The following EXTL3 variants were observed in gnomAD, a reference collection of about 807,000 sequenced individuals.
The protein encoded by EXTL3 is exostosin-like 3.
Under a neutral mutation model 69.3 loss-of-function variants are expected in EXTL3, and 27 were observed. The ratio of observed to expected loss-of-function variants is 0.39; its 90% CI spans 0.29 to 0.54. The LOEUF (loss-of-function observed/expected upper bound fraction) is 0.54, where lower values mean the gene tolerates loss of function less well. Ranked by LOEUF, EXTL3 falls within the 20% of genes least tolerant of loss-of-function variation. The pLI is 0.69. For synonymous variants in EXTL3, 511 were observed against 499.4 expected, an observed-to-expected ratio of 1.02 and a Z score of -0.31; for missense variants, 1,003 against 1,231.8, an observed-to-expected ratio of 0.81 and a Z score of 2.78.
chr8:28,653,713 A>G (rs1415264907), intron 1 of EXTL3, among the ~76,000 whole-genome samples: 2 of 152,068 alleles, frequency 1.3e-5, no homozygotes, highest in Non-Finnish European at 2.9e-5. Context: ...ATTTTATTCC[A>G]TTGGTTGATA....
intron 5 of EXTL3, chr8:28,740,033 T>C (rs1801741922): frequency 6.6e-6 from 1 of 152,250 alleles, no homozygotes; most frequent in South Asian, 2.1e-4. Flanking sequence ...TAAAGAAGAT[T>C]ACAGACTAGC....
At chr8:28,694,506 G>C (rs554211092) in intron 1 of EXTL3, among the ~76,000 whole-genome samples, 40 of 152,344 alleles carry the variant, frequency 2.6e-4, no homozygotes, top group African/African-American at 9.6e-4. Flanking sequence ...GCGGAGCACA[G>C]CTGGTAAAGT....
At chr8:28,639,993 G>A (rs1806717748) in intron 1 of EXTL3, among the ~76,000 whole-genome samples, 1 of 152,132 alleles carries the variant, frequency 6.6e-6, no homozygotes, top group African/African-American at 2.4e-5. Flanking sequence ...CCAGCTACTT[G>A]GGAGGCTGAA....
At chr8:28,668,322 T>C (rs1480355404) in intron 1 of EXTL3, among the ~76,000 whole-genome samples, 1 of 139,866 alleles carries the variant, frequency 7.1e-6, no homozygotes, top group Non-Finnish European at 1.5e-5. Context: ...CCAGAGTTGT[T>C]ACTTTTTTTT....
chr8:28,684,568 C>A (rs1195480196), intron 1 of EXTL3, among the ~76,000 whole-genome samples: 1 of 151,976 alleles, frequency 6.6e-6, no homozygotes, highest in East Asian at 1.9e-4. Flanking sequence ...CACAGCAAGA[C>A]CTGTTTCTAT....
chr8:28,717,057 C>T lies in EXTL3; in HGVS notation c.998C>T (p.Pro333Leu). 1 of 1,614,220 alleles carries T rather than the reference C, an allele frequency of 6.2e-7. No homozygotes were observed. Among genetic ancestry groups the T allele is most frequent in the Non-Finnish European group, 8.5e-7 (1 of 1,180,038 alleles). ...GAGCCCAACTTCATGGAAATCCCACCACAGGTGCCGGTGAAGCGGAAATAT... is the reference window on the plus strand; with the variant it reads ...GAGCCCAACTTCATGGAAATCCCACTACAGGTGCCGGTGAAGCGGAAATAT... ...MSEPNFMEIP[P>L]QVPVKRKYLF... The change falls in exon 3 of 7, where the codon CCA becomes CTA. Residue 333 changes from proline to leucine, a missense_variant. Transcript: ENST00000220562. This position sits in a 1 kb window ranked among gnomAD's most constrained non-coding sequence, Gnocchi z 8.3.
chr8:28,690,650 G>A (rs927256329), intron 1 of EXTL3, among the ~76,000 whole-genome samples: 1 of 152,150 alleles, frequency 6.6e-6, no homozygotes, highest in Non-Finnish European at 1.5e-5. Flanking sequence ...TGGAGGATCT[G>A]TTCCCAATCT....
intron 5 of EXTL3, 48 bp downstream of exon 5, chr8:28,737,711 C>T (rs1027518590): frequency 2.5e-6 from 4 of 1,603,680 alleles, no homozygotes; most frequent in South Asian, 2.2e-5. Context: ...AGAGTTTCAC[C>T]TTTGTGTGGT....
intron 5 of EXTL3, 137 bp from the exon 6 acceptor site, chr8:28,742,949 C>A: frequency 1.1e-6 from 1 of 879,998 alleles, no homozygotes. Context: ...AATCCCCTGC[C>A]CCAGTCCCTA....
At chr8:28,626,442 AT>A (rs1308297002) in intron 1 of EXTL3, among the ~76,000 whole-genome samples, 7 of 152,168 alleles carry the variant, frequency 4.6e-5, no homozygotes, top group Non-Finnish European at 1.0e-4. Flanking sequence ...TGCAGCAGTG[AT>A]TAGGAAAGAA....
intron 1 of EXTL3, among the ~76,000 whole-genome samples, chr8:28,712,813 G>C (rs1394617402): frequency 6.6e-6 from 1 of 152,158 alleles, no homozygotes; most frequent in Non-Finnish European, 1.5e-5. Flanking sequence ...CCTCAGCTCT[G>C]CTTATATGTA....
At chr8:28,649,440 G>A (rs1806883576) in intron 1 of EXTL3, among the ~76,000 whole-genome samples, 1 of 152,174 alleles carries the variant, frequency 6.6e-6, no homozygotes, top group South Asian at 2.1e-4. Context: ...CTGTGAAATT[G>A]TGTCTCGTAA....
chr8:28,625,342 C>T (rs1421810025), intron 1 of EXTL3, among the ~76,000 whole-genome samples: 1 of 152,212 alleles, frequency 6.6e-6, no homozygotes. Context: ...ATGAGTAGCT[C>T]TGTGTTAAAA....
intron 3 of EXTL3, among the ~76,000 whole-genome samples, chr8:28,729,313 A>AAAAAAGG (rs35590421): frequency 6.7e-6 from 1 of 149,344 alleles, no homozygotes; most frequent in Non-Finnish European, 1.5e-5. Context: ...AAAAAAAAAA[A>AAAAAAGG]TGTCTGGGTG....
chr8:28,660,852 T>G (rs1807099211), intron 1 of EXTL3, among the ~76,000 whole-genome samples: 2 of 145,224 alleles, frequency 1.4e-5, no homozygotes, highest in Admixed American at 7.0e-5. Context: ...TTTTTTTTTT[T>G]TTTTTTTTTT....
intron 1 of EXTL3, among the ~76,000 whole-genome samples, chr8:28,669,756 A>T (rs1398736436): frequency 6.6e-6 from 1 of 152,170 alleles, no homozygotes; most frequent in Non-Finnish European, 1.5e-5. Flanking sequence ...ATCACCCAGA[A>T]TATTACAATG....
At chr8:28,707,701 C>T (rs949250469) in intron 1 of EXTL3, among the ~76,000 whole-genome samples, 7 of 152,024 alleles carry the variant, frequency 4.6e-5, no homozygotes, top group African/African-American at 1.7e-4. Context: ...TCCCCCACAC[C>T]TAGGAATTCT....
intron 2 of EXTL3, among the ~76,000 whole-genome samples, chr8:28,609,901 TAAAAAA>T (rs35274445): frequency 8.2e-6 from 1 of 122,358 alleles, no homozygotes; most frequent in African/African-American, 2.8e-5. Flanking sequence ...AAAAAATAAT[TAAAAAA>T]AAAAAAAAAA....
chr8:28,717,166 C>G lies in EXTL3; in HGVS notation c.1107C>G (p.Gly369=). Residue 369 remains glycine, a synonymous_variant, in exon 3 of 7, where the codon GGC becomes GGG. Transcript: ENST00000220562. This position sits in a 1 kb window ranked among gnomAD's most constrained non-coding sequence, Gnocchi z 8.3. ...EARSFEEEME[G]DPPADYDDRI... ...GCTCCTTCGAAGAGGAAATGGAGGG[C>G]GACCCTCCCGCCGACTACGATGACC... The G allele has an allele frequency of 6.2e-7, 1 of 1,614,212 alleles. No individual in the cohort carries two copies. The highest frequency in any genetic ancestry group is 8.5e-7 in the Non-Finnish European group (1 of 1,180,038).
Sources: gnomAD v4.1 joint callset for allele counts (sites outside exome capture counted in the v4.1 genomes callset) on GRCh38, gnomAD v4.1.1 for gene constraint, Gnocchi (gnomAD v3.1) non-coding constraint, MANE v1.5 for transcripts, NCBI Gene and HGNC (gene_info 2026-07-23, HGNC 2026-07-21) for gene names.